The following BICC1 variants were observed in gnomAD, a reference collection of about 807,000 sequenced individuals.
BICC1 encodes BicC family RNA binding protein 1, also known as protein bicaudal C homolog 1.
In BICC1, 43 loss-of-function variants were observed where a neutral mutation model predicts 111.0. The observed-to-expected ratio is 0.39, with a 90% CI of 0.30 to 0.50. BICC1 has a LOEUF of 0.50. BICC1 is among the 20% of genes least tolerant of loss of function. BICC1 has a pLI of 0.88. For synonymous variants in BICC1, 467 were observed against 434.4 expected, an observed-to-expected ratio of 1.07 and a Z score of -0.93; for missense variants, 1,091 against 1,203.2, an observed-to-expected ratio of 0.91 and a Z score of 1.38.
chr10:58,720,252 C>T (rs1253068650), intron 3 of BICC1, among the ~76,000 whole-genome samples: 2 of 152,178 alleles, frequency 1.3e-5, no homozygotes, highest in Non-Finnish European at 2.9e-5. Flanking sequence ...CTTTGGTGTA[C>T]TCTTTCTTGC....
intron 2 of BICC1, among the ~76,000 whole-genome samples, chr10:58,642,146 A>T (rs1344637613): frequency 6.6e-6 from 1 of 152,098 alleles, no homozygotes; most frequent in African/African-American, 2.4e-5. Flanking sequence ...TAGAATTATT[A>T]ATTAATTGGT....
intron 1 of BICC1, among the ~76,000 whole-genome samples, chr10:58,546,688 T>C (rs1206202943): frequency 6.6e-6 from 1 of 152,166 alleles, no homozygotes. Flanking sequence ...ACACCCACAG[T>C]TGACCACAGT....
intron 8 of BICC1, among the ~76,000 whole-genome samples, chr10:58,793,233 T>TA (rs907052780): frequency 3.7e-4 from 57 of 152,194 alleles, no homozygotes; most frequent in African/African-American, 1.3e-3. Context: ...GCACAGTGGA[T>TA]AAAAAAAGTC....
chr10:58,781,940 G>C (rs1035919539), intron 3 of BICC1, among the ~76,000 whole-genome samples: 1 of 152,118 alleles, frequency 6.6e-6, no homozygotes, highest in Admixed American at 6.5e-5. Flanking sequence ...TATTAAGCTT[G>C]ACTATTTGAA....
At chr10:58,785,891 G>A (rs993399544) in intron 4 of BICC1, among the ~76,000 whole-genome samples, 2 of 152,006 alleles carry the variant, frequency 1.3e-5, no homozygotes, top group African/African-American at 2.4e-5. Context: ...CCCTCTGATC[G>A]CTTTCTTGTT....
chr10:58,815,645 T>A (rs899944719), intron 18 of BICC1, among the ~76,000 whole-genome samples: 1 of 152,142 alleles, frequency 6.6e-6, no homozygotes, highest in Non-Finnish European at 1.5e-5. Flanking sequence ...TTGTCACTTT[T>A]TTTAGGGTAT....
chr10:58,547,724 A>T (rs1289919020), intron 1 of BICC1, among the ~76,000 whole-genome samples: 1 of 152,086 alleles, frequency 6.6e-6, no homozygotes, highest in Non-Finnish European at 1.5e-5. Context: ...ATTATAATCT[A>T]ATACTTGTTT....
intron 3 of BICC1, among the ~76,000 whole-genome samples, chr10:58,741,348 C>T (rs911529691): frequency 6.6e-6 from 1 of 152,062 alleles, no homozygotes; most frequent in Admixed American, 6.6e-5. Flanking sequence ...CTTGTAACAG[C>T]CCCATGAAAG....
chr10:58,791,153 A>G (rs1843163529), intron 8 of BICC1, among the ~76,000 whole-genome samples: 2 of 152,262 alleles, frequency 1.3e-5, no homozygotes, highest in Non-Finnish European at 1.5e-5. Flanking sequence ...TTATTTTATC[A>G]GGTTATTTTT....
At chr10:58,756,195 T>G (rs1209928192) in intron 3 of BICC1, among the ~76,000 whole-genome samples, 1 of 151,882 alleles carries the variant, frequency 6.6e-6, no homozygotes, top group Non-Finnish European at 1.5e-5. Flanking sequence ...AATACTCCCT[T>G]TCGTATCTTA....
At chr10:58,707,029 A>T (rs1191062938) in intron 3 of BICC1, among the ~76,000 whole-genome samples, 2 of 152,220 alleles carry the variant, frequency 1.3e-5, no homozygotes, top group East Asian at 3.9e-4. Flanking sequence ...GACTTAGGAA[A>T]CCCCAGGACT....
At chr10:58,637,538 G>T (rs1268211728) in intron 2 of BICC1, among the ~76,000 whole-genome samples, 1 of 152,198 alleles carries the variant, frequency 6.6e-6, no homozygotes, top group East Asian at 1.9e-4. Context: ...GATGTTCATT[G>T]TCTTCCCTCC....
At chr10:58,597,411 C>G (rs928293078) in intron 1 of BICC1, among the ~76,000 whole-genome samples, 1 of 152,034 alleles carries the variant, frequency 6.6e-6, no homozygotes, top group Non-Finnish European at 1.5e-5. Context: ...AAAAGCAGAA[C>G]TACTGATAAG....
chr10:58,756,538 C>T (rs571702537), intron 3 of BICC1, among the ~76,000 whole-genome samples: 33 of 150,876 alleles, frequency 2.2e-4, no homozygotes, highest in African/African-American at 7.8e-4. Context: ...CTCATTTCCT[C>T]TTGTCCTGGT....
chr10:58,513,041 A>AGCGCCGC lies in BICC1; in HGVS notation c.-101_-95dup. ...GTCGGCGGCTGCAGGGGGACGAGCT[A>AGCGCCGC]GCGCCGCGGCGCTGGGAGCCAGTTG... On this transcript the variant is annotated 5_prime_UTR_variant, in exon 1 of 21. Coordinates refer to ENST00000373886, the MANE Select transcript of BICC1 (RefSeq NM_001080512.3). The AGCGCCGC allele has an allele frequency of 1.2e-6, 1 of 867,176 alleles. No individual in the cohort carries two copies. The highest frequency in any genetic ancestry group is 1.5e-6 in the Non-Finnish European group (1 of 666,898). The allele number at this position is 867,176 out of a possible 1,614,324, so 53.7% of individuals were successfully genotyped here. A position where few individuals can be genotyped will look rare whatever the true frequency, so the allele number is the denominator to read the frequency against.
intron 1 of BICC1, among the ~76,000 whole-genome samples, chr10:58,598,035 G>T (rs1402798809): frequency 6.6e-6 from 1 of 152,126 alleles, no homozygotes; most frequent in Non-Finnish European, 1.5e-5. Flanking sequence ...ATTAAAGACA[G>T]CCATAAGAAT....
At chr10:58,517,491 G>A (rs922193378) in intron 1 of BICC1, among the ~76,000 whole-genome samples, 2 of 152,164 alleles carry the variant, frequency 1.3e-5, no homozygotes, top group Admixed American at 6.5e-5. Flanking sequence ...ATGAGAGCGG[G>A]AAGAAATATG....
At position 58,829,019 on chromosome 10, in the gene BICC1, G is replaced by C; in HGVS notation, c.*128G>C. 9.2e-7 allele frequency: 1 copy of C among 1,092,168 alleles called. No individual in the cohort carries two copies. The highest frequency in any genetic ancestry group is 2.7e-5 in the Admixed American group (1 of 37,734). The allele number at this position is 1,092,168 out of a possible 1,614,324, so 67.7% of individuals were successfully genotyped here. A position where few individuals can be genotyped will look rare whatever the true frequency, so the allele number is the denominator to read the frequency against. On this transcript the variant is annotated 3_prime_UTR_variant, in exon 21 of 21. Coordinates refer to ENST00000373886, the MANE Select transcript of BICC1 (RefSeq NM_001080512.3). ...GTATCAGGACCAAAGCATTTTATTC[G>C]CACCTGTACTTTATGGCAAAAAGGA...
At chr10:58,552,134 G>A (rs1348329590) in intron 1 of BICC1, among the ~76,000 whole-genome samples, 1 of 151,318 alleles carries the variant, frequency 6.6e-6, no homozygotes, top group Non-Finnish European at 1.5e-5. Context: ...TACTGGGTCT[G>A]GATGGGAAAG....
Sources: gnomAD v4.1 joint callset for allele counts (sites outside exome capture counted in the v4.1 genomes callset) on GRCh38, gnomAD v4.1.1 for gene constraint, MANE v1.5 for transcripts, NCBI Gene and HGNC (gene_info 2026-07-23, HGNC 2026-07-21) for gene names.